OXR1: variants seen among roughly 807,000 people sequenced by gnomAD.
OXR1 encodes the protein oxidation resistance protein 1.
A neutral mutation model predicts 104.6 loss-of-function variants in OXR1; 41 were observed. That is an observed-to-expected ratio of 0.39 (90% CI 0.31 to 0.51). The LOEUF is 0.51. OXR1 is among the 20% of genes least tolerant of loss of function. OXR1 has a pLI of 0.77. For missense variants in OXR1, 955 were observed against 1,031.9 expected, an observed-to-expected ratio of 0.93 and a Z score of 1.02; for synonymous variants, 348 against 348.4, an observed-to-expected ratio of 1.00 and a Z score of 0.01.
At chr8:106,731,671 A>G (rs1438261451) in intron 11 of OXR1, among the ~76,000 whole-genome samples, 1 of 151,904 alleles carries the variant, frequency 6.6e-6, no homozygotes, top group Non-Finnish European at 1.5e-5. Context: ...AATTGTCTTT[A>G]CTCCTTTGTT....
chr8:106,291,232 T>G (rs567677920), intron 1 of OXR1, among the ~76,000 whole-genome samples: 3 of 152,208 alleles, frequency 2.0e-5, no homozygotes, highest in Admixed American at 2.0e-4. Flanking sequence ...TGGAGCTAAA[T>G]ATTGAGAACA....
At chr8:106,481,914 T>G (rs1042952671) in intron 2 of OXR1, among the ~76,000 whole-genome samples, 1 of 152,050 alleles carries the variant, frequency 6.6e-6, no homozygotes, top group Non-Finnish European at 1.5e-5. Flanking sequence ...TATAATTCTC[T>G]TGGGCTTCCA....
intron 2 of OXR1, among the ~76,000 whole-genome samples, chr8:106,360,984 G>T (rs1416095357): frequency 6.6e-6 from 1 of 152,172 alleles, no homozygotes; most frequent in Non-Finnish European, 1.5e-5. Flanking sequence ...GTGCAGCCTG[G>T]TTCACAGGGT....
intron 2 of OXR1, among the ~76,000 whole-genome samples, chr8:106,419,358 G>C (rs935763781): frequency 1.6e-4 from 25 of 152,118 alleles, no homozygotes; most frequent in East Asian, 1.9e-4. Flanking sequence ...TGAAGCACAG[G>C]GTGGTGTATT....
chr8:106,353,665 T>C (rs1420735565), intron 1 of OXR1, among the ~76,000 whole-genome samples: 2 of 152,166 alleles, frequency 1.3e-5, no homozygotes, highest in African/African-American at 4.8e-5. Context: ...TTTTGATGTA[T>C]GTATACATTG....
chr8:106,537,486 G>A (rs1814628262), intron 3 of OXR1, among the ~76,000 whole-genome samples: 1 of 152,112 alleles, frequency 6.6e-6, no homozygotes, highest in Admixed American at 6.5e-5. Flanking sequence ...AAAGTCTGAG[G>A]TGGGTCTTCA....
intron 2 of OXR1, among the ~76,000 whole-genome samples, chr8:106,372,849 T>C (rs1379775914): frequency 6.6e-6 from 1 of 152,220 alleles, no homozygotes; most frequent in Non-Finnish European, 1.5e-5. Context: ...ATAAAAGAGA[T>C]GTCATCTATA....
intron 11 of OXR1, among the ~76,000 whole-genome samples, chr8:106,718,178 A>G (rs1432805433): frequency 6.6e-6 from 1 of 152,210 alleles, no homozygotes; most frequent in Non-Finnish European, 1.5e-5. Context: ...TATGAACTCT[A>G]TTCAGATCTT....
chr8:106,533,699 G>A (rs891168425), intron 3 of OXR1, among the ~76,000 whole-genome samples: 5 of 150,094 alleles, frequency 3.3e-5, no homozygotes, highest in Non-Finnish European at 5.9e-5. Flanking sequence ...GAACAGGGCA[G>A]CAGTTGAGTT....
At chr8:106,439,558 T>C (rs1204988126) in intron 2 of OXR1, among the ~76,000 whole-genome samples, 1 of 152,142 alleles carries the variant, frequency 6.6e-6, no homozygotes, top group Non-Finnish European at 1.5e-5. Flanking sequence ...TATTTTGTTT[T>C]AAATTCAGAA....
chr8:106,489,164 G>A (rs1586710538), intron 2 of OXR1, among the ~76,000 whole-genome samples: 1 of 149,932 alleles, frequency 6.7e-6, no homozygotes, highest in Non-Finnish European at 1.5e-5. Flanking sequence ...GGATTCCTAG[G>A]TATTTTATTC....
At position 106,490,343 on chromosome 8, in the gene OXR1, TTTGATTGA is replaced by T. The variant is rs148049476; in HGVS notation, c.24-28577_24-28570del. On this transcript the variant is annotated intron_variant, in intron 2 of 16. Coordinates refer to ENST00000517566, the MANE Select transcript of OXR1 (RefSeq NM_001198533.2). ...TTGTGGAAGGTAGGAGGATGCGGTA[TTTGATTGA>T]TTGATTGATTGATTGATTGATTTTT... Among the ~76,000 whole-genome samples, 5 of 151,748 alleles carry T rather than the reference TTTGATTGA, an allele frequency of 3.3e-5. No individual in the cohort carries two copies. In the East Asian group the frequency reaches 7.8e-4, roughly 24 times the overall value.
intron 3 of OXR1, among the ~76,000 whole-genome samples, chr8:106,549,183 ACAAAT>A (rs1410313606): frequency 6.6e-6 from 1 of 152,130 alleles, no homozygotes; most frequent in East Asian, 1.9e-4. Flanking sequence ...TTCTTATGTC[ACAAAT>A]CCTACTGCAA....
chr8:106,300,941 A>AT lies in OXR1; in HGVS notation c.-139+30579dup, dbSNP rs1813210998. ...TTCTTCTTTTTCCCAACTCTTTTTC[A>AT]TTTTTATGTCTGGATTAGATGATGG... is the stretch of plus-strand genomic sequence containing the variant. On this transcript the variant is annotated intron_variant, in intron 1 of 16. Transcript: ENST00000517566. 3.3e-5 allele frequency among the ~76,000 whole-genome samples: 5 copies of AT among 152,180 alleles called. No homozygotes were observed. The South Asian group carries it at 1.0e-3, about 32-fold the overall frequency.
chr8:106,392,854 T>C (rs1157334730), intron 2 of OXR1, among the ~76,000 whole-genome samples: 1 of 152,206 alleles, frequency 6.6e-6, no homozygotes, highest in African/African-American at 2.4e-5. Flanking sequence ...CCAATAGATG[T>C]ACCAACTCAA....
At chr8:106,546,433 A>T (rs900932067) in intron 3 of OXR1, among the ~76,000 whole-genome samples, 1 of 152,204 alleles carries the variant, frequency 6.6e-6, no homozygotes, top group African/African-American at 2.4e-5. Flanking sequence ...ATATATGTAA[A>T]CCAACATGTG....
intron 3 of OXR1, chr8:106,581,347 T>A: frequency 1.5e-6 from 1 of 668,098 alleles, no homozygotes; most frequent in Non-Finnish European, 2.3e-6. Flanking sequence ...GTCTTGCTAC[T>A]GGAATGTATA....
At chr8:106,691,986 T>TATACAC (rs561408057) in intron 6 of OXR1, among the ~76,000 whole-genome samples, 1 of 149,444 alleles carries the variant, frequency 6.7e-6, no homozygotes, top group African/African-American at 2.5e-5. Context: ...TCTATATATA[T>TATACAC]ACACACACAC....
rs187448664 is a variant in OXR1 at position 106,445,561 on chromosome 8, C to T, written c.24-73382C>T. On this transcript the variant is annotated intron_variant, in intron 2 of 16. Transcript: ENST00000517566. ...CATGCCTGTCTCCTATGCACGCTCT[C>T]ACTTACTTACCAAGTCATCATTTTT... Among the ~76,000 whole-genome samples the T allele has an allele frequency of 1.1e-4, 16 of 152,320 alleles. 2 individuals are homozygous for T. Among genetic ancestry groups the T allele is most frequent in the Admixed American group, 9.2e-4 (14 of 15,300 alleles).
Sources: gnomAD v4.1 joint callset for allele counts (sites outside exome capture counted in the v4.1 genomes callset) on GRCh38, gnomAD v4.1.1 for gene constraint, MANE v1.5 for transcripts, NCBI Gene and HGNC (gene_info 2026-07-23, HGNC 2026-07-21) for gene names.